The following GTF2F2 variants were observed in gnomAD, a reference collection of about 807,000 sequenced individuals.
GTF2F2 encodes the protein ATP-dependent helicase GTF2F2.
In GTF2F2, 23 loss-of-function variants were observed where a neutral mutation model predicts 42.2. The observed-to-expected ratio is 0.55, with a 90% confidence interval of 0.39 to 0.77. GTF2F2 has a LOEUF of 0.77. Ranked by LOEUF, GTF2F2 falls within the 30% of genes least tolerant of loss-of-function variation. GTF2F2 has a pLI of 0.00. For synonymous variants in GTF2F2, 105 were observed against 100.8 expected, an observed-to-expected ratio of 1.04 and a Z score of -0.25; for missense variants, 261 against 287.2, an observed-to-expected ratio of 0.91 and a Z score of 0.66.
intron 1 of GTF2F2, among the ~76,000 whole-genome samples, chr13:45,133,696 A>T (rs1869476608): frequency 6.6e-6 from 1 of 152,188 alleles, no homozygotes; most frequent in Non-Finnish European, 1.5e-5. Flanking sequence ...CTGCATGGCA[A>T]TGGTCATGTG....
chr13:45,185,263 A>C (rs1006341634), intron 4 of GTF2F2, among the ~76,000 whole-genome samples: 1 of 152,142 alleles, frequency 6.6e-6, no homozygotes, highest in African/African-American at 2.4e-5. Flanking sequence ...AGATAATCCA[A>C]ATTTTCCTTA....
At position 45,207,562 on chromosome 13, in the gene GTF2F2, A is replaced by G. The variant is rs1289293933; in HGVS notation, c.386+57A>G. 20 of 1,031,074 alleles carry G rather than the reference A, an allele frequency of 1.9e-5. No individual in the cohort carries two copies. The East Asian group carries it at 4.1e-4, about 21-fold the overall frequency. 63.9% of individuals were successfully genotyped at this position (1,031,074 alleles called of 1,614,324 possible). On this transcript the variant is annotated intron_variant, in intron 5 of 7. Transcript: ENST00000340473. ...GATATTTCCCTTTGGGGATTGAGAT[A>G]CGTGTGTTATATCGCCTATTGACTG...
At chr13:45,193,681 C>T (rs550541067) in intron 4 of GTF2F2, 1 of 1,004,566 alleles carries the variant, frequency 1.0e-6, no homozygotes, top group African/African-American at 1.6e-5. Flanking sequence ...TAGCAGGGCT[C>T]TGTAGTACAG....
chr13:45,132,978 T>C (rs1566109492), intron 1 of GTF2F2, among the ~76,000 whole-genome samples: 1 of 152,178 alleles, frequency 6.6e-6, no homozygotes, highest in Non-Finnish European at 1.5e-5. Context: ...TGAGACCAGC[T>C]AGCGTGATCG....
intron 4 of GTF2F2, among the ~76,000 whole-genome samples, chr13:45,190,858 C>G (rs776894300): frequency 5.3e-5 from 8 of 150,814 alleles, no homozygotes; most frequent in Admixed American, 1.3e-4. Flanking sequence ...TAAAGCGATC[C>G]TCTCGCCTCA....
intron 4 of GTF2F2, among the ~76,000 whole-genome samples, chr13:45,164,058 G>A (rs1871154623): frequency 6.6e-6 from 1 of 152,072 alleles, no homozygotes; most frequent in African/African-American, 2.4e-5. Flanking sequence ...GCACACATCT[G>A]TAATTCCAGC....
At chr13:45,133,977 G>C (rs1869492230) in intron 1 of GTF2F2, among the ~76,000 whole-genome samples, 1 of 152,186 alleles carries the variant, frequency 6.6e-6, no homozygotes, top group African/African-American at 2.4e-5. Context: ...TAAGGAGAGA[G>C]CTAGGAATTT....
In GTF2F2 at chr13:45,283,626, C is replaced by G. The variant is rs1458039055; in HGVS notation, c.*65C>G. On this transcript the variant is annotated 3_prime_UTR_variant, in exon 8 of 8. Coordinates refer to ENST00000340473, the MANE Select transcript of GTF2F2 (RefSeq NM_004128.3). ...CGATGCTATGCAAAAGGCGCTGATA[C>G]TGGAAGGCTTGAACACCGTATGTTA... The G allele has an allele frequency of 1.4e-6, 2 of 1,446,520 alleles. No homozygotes were observed. The highest frequency in any genetic ancestry group is 1.8e-6 in the Non-Finnish European group (2 of 1,081,154). The allele number at this position is 1,446,520 out of a possible 1,614,324, so 89.6% of individuals were successfully genotyped here.
At chr13:45,254,549 T>C (rs1357224682) in intron 6 of GTF2F2, among the ~76,000 whole-genome samples, 1 of 152,180 alleles carries the variant, frequency 6.6e-6, no homozygotes, top group Non-Finnish European at 1.5e-5. Flanking sequence ...ATGAAGAAAC[T>C]ACAACAGATA....
intron 7 of GTF2F2, among the ~76,000 whole-genome samples, chr13:45,269,727 T>G (rs1016813302): frequency 1.3e-5 from 2 of 152,250 alleles, no homozygotes; most frequent in African/African-American, 4.8e-5. Flanking sequence ...GACAAGGTAC[T>G]TAAATACATT....
At chr13:45,175,400 T>A (rs769513410) in intron 4 of GTF2F2, among the ~76,000 whole-genome samples, 1 of 152,218 alleles carries the variant, frequency 6.6e-6, no homozygotes, top group Non-Finnish European at 1.5e-5. Flanking sequence ...GCAATAAACA[T>A]AGGAGTGCAG....
intron 5 of GTF2F2, among the ~76,000 whole-genome samples, chr13:45,250,171 C>T (rs1439537892): frequency 2.0e-5 from 3 of 150,948 alleles, no homozygotes; most frequent in African/African-American, 7.3e-5. Flanking sequence ...TCTCGAGCCT[C>T]AGCCTCCTGA....
At chr13:45,214,270 A>C (rs1873805617) in intron 5 of GTF2F2, among the ~76,000 whole-genome samples, 1 of 152,206 alleles carries the variant, frequency 6.6e-6, no homozygotes, top group Non-Finnish European at 1.5e-5. Context: ...ATATTCATCA[A>C]ATGTAAGTTA....
At chr13:45,259,816 C>T (rs1308693982) in intron 6 of GTF2F2, among the ~76,000 whole-genome samples, 1 of 152,016 alleles carries the variant, frequency 6.6e-6, no homozygotes, top group Non-Finnish European at 1.5e-5. Flanking sequence ...CGCCACCACA[C>T]CTGGCCAATG....
intron 3 of GTF2F2, 103 bp downstream of exon 3, chr13:45,149,891 T>G (rs747342232): frequency 8.8e-5 from 98 of 1,114,254 alleles, no homozygotes; most frequent in Non-Finnish European, 1.2e-4. Context: ...CCACATCAAG[T>G]GCATGGCTGA....
chr13:45,121,164 C>T (rs1469032291), intron 1 of GTF2F2, among the ~76,000 whole-genome samples: 5 of 152,174 alleles, frequency 3.3e-5, no homozygotes, highest in Non-Finnish European at 7.3e-5. Flanking sequence ...AAAGTGTTCT[C>T]TTAGGTTGAT....
intron 4 of GTF2F2, among the ~76,000 whole-genome samples, chr13:45,184,725 G>C (rs939283737): frequency 6.6e-6 from 1 of 152,044 alleles, no homozygotes; most frequent in African/African-American, 2.4e-5. Context: ...CGGAAAGTTA[G>C]GAAAGATTTT....
chr13:45,120,866 T>C (rs1868593826), intron 1 of GTF2F2, 145 bp downstream of exon 1: 1 of 641,350 alleles, frequency 1.6e-6, no homozygotes, highest in Non-Finnish European at 2.8e-6. Context: ...GCAGGAGTCA[T>C]TGTTGTATCT....
chr13:45,230,139 C>G (rs1030272373), intron 5 of GTF2F2, among the ~76,000 whole-genome samples: 1 of 151,908 alleles, frequency 6.6e-6, no homozygotes, highest in Non-Finnish European at 1.5e-5. Flanking sequence ...TCGTTTAAAC[C>G]CATGAGGCGG....
Sources: allele counts gnomAD v4.1 joint callset (sites outside exome capture counted in the v4.1 genomes callset), GRCh38; gene constraint gnomAD v4.1.1; transcripts MANE v1.5; gene names NCBI Gene and HGNC (gene_info 2026-07-23, HGNC 2026-07-21).